PLD5: variants seen among roughly 807,000 people sequenced by gnomAD.
The protein encoded by PLD5 is inactive phospholipase D5.
Under a neutral mutation model 61.1 loss-of-function variants are expected in PLD5, and 36 were observed. The observed-to-expected ratio is 0.59, with a 90% CI of 0.45 to 0.78. PLD5 has a LOEUF of 0.78. Ranked by LOEUF, PLD5 falls within the 30% of genes least tolerant of loss-of-function variation. PLD5 has a pLI of 0.00. For missense variants in PLD5, 515 were observed against 644.4 expected, an observed-to-expected ratio of 0.80 and a Z score of 2.17; for synonymous variants, 243 against 242.8, an observed-to-expected ratio of 1.00 and a Z score of -0.01.
At chr1:242,225,220 C>G (rs1331191675) in intron 4 of PLD5, among the ~76,000 whole-genome samples, 2 of 151,690 alleles carry the variant, frequency 1.3e-5, no homozygotes, top group African/African-American at 4.9e-5. Flanking sequence ...CCCATTCATG[C>G]TATTGTGTAG....
intron 5 of PLD5, among the ~76,000 whole-genome samples, chr1:242,161,865 C>T (rs1035860244): frequency 3.9e-5 from 6 of 152,088 alleles, no homozygotes; most frequent in Non-Finnish European, 5.9e-5. Flanking sequence ...CATAGAGCAT[C>T]GGAGCTGCTA....
At chr1:242,154,098 C>A (rs953659012) in intron 5 of PLD5, among the ~76,000 whole-genome samples, 3 of 152,100 alleles carry the variant, frequency 2.0e-5, no homozygotes, top group African/African-American at 4.8e-5. Context: ...GTATTTAATT[C>A]TCTTTGAAGC....
At chr1:242,498,089 T>C (rs2654852) in intron 1 of PLD5, among the ~76,000 whole-genome samples, 12,097 of 152,214 alleles carry the variant, frequency 0.079, 1,210 homozygotes, top group African/African-American at 0.24. Flanking sequence ...CTCAGCCTTC[T>C]GAGTAGCTGG....
chr1:242,194,120 G>C (rs915550923), intron 5 of PLD5, among the ~76,000 whole-genome samples: 1 of 152,120 alleles, frequency 6.6e-6, no homozygotes, highest in African/African-American at 2.4e-5. Flanking sequence ...AGGGGGAAAC[G>C]CAAGCTCCCC....
At chr1:242,100,159 A>G (rs937233619) in intron 9 of PLD5, among the ~76,000 whole-genome samples, 3 of 152,232 alleles carry the variant, frequency 2.0e-5, no homozygotes, top group African/African-American at 7.2e-5. Flanking sequence ...CCCATCTTAC[A>G]GATGAGAAAA....
Position 242,111,798 on chromosome 1 carries a change from G to A in PLD5, c.1070+2092C>T, listed in dbSNP as rs186459099. Among the ~76,000 whole-genome samples, 181 of 152,234 alleles carry A rather than the reference G, an allele frequency of 1.2e-3. 1 individual carries two copies. The highest frequency in any genetic ancestry group is 4.1e-3 in the African/African-American group (170 of 41,546). On this transcript the variant is annotated intron_variant, in intron 7 of 9. Transcript: ENST00000536534. ...GACCTTTCAATTTAGAAAGTTAAAA[G>A]CATTTACAGGTTTAAAATTTTAAAA...
chr1:242,337,138 G>C (rs974750926), intron 2 of PLD5, among the ~76,000 whole-genome samples: 1 of 151,608 alleles, frequency 6.6e-6, no homozygotes, highest in Non-Finnish European at 1.5e-5. Context: ...GCCCAGCGAG[G>C]GCCAGGCCAC....
At chr1:242,366,885 A>T (rs1661374450) in intron 1 of PLD5, among the ~76,000 whole-genome samples, 1 of 152,112 alleles carries the variant, frequency 6.6e-6, no homozygotes, top group Non-Finnish European at 1.5e-5. Context: ...GTGTTTTACA[A>T]CCCTGGTTAT....
chr1:242,278,588 G>A (rs1316525414), intron 3 of PLD5, among the ~76,000 whole-genome samples: 1 of 152,208 alleles, frequency 6.6e-6, no homozygotes, highest in African/African-American at 2.4e-5. Context: ...CTGCTGCACA[G>A]TTCAAAAGCA....
intron 1 of PLD5, among the ~76,000 whole-genome samples, chr1:242,470,129 C>G (rs926268880): frequency 6.6e-6 from 1 of 152,034 alleles, no homozygotes; most frequent in African/African-American, 2.4e-5. Context: ...ATCACGAGGT[C>G]AGGAGATCGA....
chr1:242,222,179 G>T (rs547186583), intron 4 of PLD5, among the ~76,000 whole-genome samples: 9 of 150,694 alleles, frequency 6.0e-5, no homozygotes, highest in African/African-American at 1.7e-4. Flanking sequence ...TTGGATGAAG[G>T]TCCCGCCCCC....
At chr1:242,097,232 A>C (rs954401114) in intron 9 of PLD5, among the ~76,000 whole-genome samples, 3 of 152,140 alleles carry the variant, frequency 2.0e-5, no homozygotes, top group Admixed American at 6.6e-5. Flanking sequence ...GTCTTTATAG[A>C]AGCATGATTT....
At chr1:242,457,923 T>A (rs1480981576) in intron 1 of PLD5, among the ~76,000 whole-genome samples, 2 of 152,226 alleles carry the variant, frequency 1.3e-5, no homozygotes, top group East Asian at 3.9e-4. Context: ...AGTATTTGGA[T>A]GCCTGGTTCT....
chr1:242,391,459 G>A (rs1354033986), intron 1 of PLD5, among the ~76,000 whole-genome samples: 1 of 152,174 alleles, frequency 6.6e-6, no homozygotes, highest in Non-Finnish European at 1.5e-5. Flanking sequence ...GTGAGAGAAA[G>A]ACAAAAGGCA....
chr1:242,168,245 T>C (rs891693241), intron 5 of PLD5, among the ~76,000 whole-genome samples: 2 of 152,250 alleles, frequency 1.3e-5, no homozygotes, highest in African/African-American at 2.4e-5. Flanking sequence ...CAGGGTAATA[T>C]GAACGTGTCA....
chr1:242,245,494 T>C (rs1455360647), intron 4 of PLD5, among the ~76,000 whole-genome samples: 1 of 152,194 alleles, frequency 6.6e-6, no homozygotes, highest in Admixed American at 6.5e-5. Context: ...TGCAGCGGCG[T>C]AGGCTCCTTG....
chr1:242,427,310 T>C (rs775990667), intron 1 of PLD5, among the ~76,000 whole-genome samples: 8 of 152,190 alleles, frequency 5.3e-5, no homozygotes, highest in Non-Finnish European at 1.2e-4. Context: ...CAGTAATATT[T>C]TACTAATAAC....
chr1:242,160,956 A>C (rs548982225), intron 5 of PLD5, among the ~76,000 whole-genome samples: 166 of 152,034 alleles, frequency 1.1e-3, no homozygotes, highest in African/African-American at 3.8e-3. Context: ...TACTAGATAC[A>C]ATATGATTGC....
chr1:242,242,265 G>A (rs384396), intron 4 of PLD5, among the ~76,000 whole-genome samples: 107,427 of 151,768 alleles, frequency 0.71, 39,496 homozygotes, highest in Non-Finnish European at 0.81. Flanking sequence ...ATTTCATCAT[G>A]ATATACACCT....
Sources: gnomAD v4.1 joint callset for allele counts (sites outside exome capture counted in the v4.1 genomes callset) on GRCh38, gnomAD v4.1.1 for gene constraint, MANE v1.5 for transcripts, NCBI Gene and HGNC (gene_info 2026-07-23, HGNC 2026-07-21) for gene names.